PDGFD: variants seen among roughly 807,000 people sequenced by gnomAD.
PDGFD encodes platelet-derived growth factor D.
Under a neutral mutation model 44.7 loss-of-function variants are expected in PDGFD, and 30 were observed. The observed-to-expected ratio is 0.67, with a 90% CI of 0.50 to 0.91. The LOEUF is 0.91. Among genes scored for constraint, PDGFD ranks in the 40% least tolerant of loss-of-function variants. The pLI is 0.00. For missense variants in PDGFD, 445 were observed against 457.8 expected (o/e 0.97, Z 0.25); for synonymous variants, 173 against 168.4 (o/e 1.03, Z -0.21).
intron 1 of PDGFD, among the ~76,000 whole-genome samples, chr11:104,056,987 G>A (rs949486335): frequency 3.9e-5 from 6 of 152,056 alleles, no homozygotes; most frequent in African/African-American, 1.4e-4. Context: ...AATTAGCCAG[G>A]CATAGTGGTG....
chr11:104,142,312 AAT>A (rs1862096948), intron 1 of PDGFD, among the ~76,000 whole-genome samples: 1 of 152,142 alleles, frequency 6.6e-6, no homozygotes, highest in African/African-American at 2.4e-5. Flanking sequence ...TATAAAAGTA[AAT>A]ATATGTTTAT....
At chr11:104,080,400 A>G (rs1861028365) in intron 1 of PDGFD, among the ~76,000 whole-genome samples, 1 of 152,218 alleles carries the variant, frequency 6.6e-6, no homozygotes, top group African/African-American at 2.4e-5. Context: ...AGTACTTTAA[A>G]TATCATATGA....
rs1009608544 is a variant in PDGFD at position 103,985,212 on chromosome 11, T to A, written c.510+10853A>T. On this transcript the variant is annotated intron_variant, in intron 3 of 6. Coordinates refer to ENST00000393158, the MANE Select transcript of PDGFD (RefSeq NM_025208.5). ...TATAATATATATTAATACACACACA[T>A]ATTTTTTGAGACAAGGTCTTGCCTT... 2.9e-4 allele frequency among the ~76,000 whole-genome samples: 37 copies of A among 126,008 alleles called. 2 individuals carry two copies. Among genetic ancestry groups the A allele is most frequent in the African/African-American group, 1.1e-3 (36 of 33,812 alleles). 82.7% of individuals were successfully genotyped at this position (126,008 alleles called of 152,430 possible). A position where few individuals can be genotyped will look rare whatever the true frequency, so the allele number is the denominator to read the frequency against.
intron 1 of PDGFD, among the ~76,000 whole-genome samples, chr11:104,080,622 C>CCATT (rs1042376738): frequency 2.0e-5 from 3 of 152,182 alleles, no homozygotes; most frequent in African/African-American, 7.2e-5. Flanking sequence ...GAGCCACCAT[C>CCATT]CATTGTGTGC....
chr11:104,037,167 G>A (rs754080719), intron 1 of PDGFD: 2 of 1,613,614 alleles, frequency 1.2e-6, no homozygotes, highest in African/African-American at 1.3e-5. Flanking sequence ...CTGGACAGCA[G>A]CAGCAGCGCA....
intron 1 of PDGFD, among the ~76,000 whole-genome samples, chr11:104,105,598 C>T (rs376387738): frequency 5.9e-5 from 9 of 151,574 alleles, no homozygotes; most frequent in African/African-American, 2.2e-4. Context: ...TTTCCAAACG[C>T]TTATTCAGCT....
At chr11:103,997,845 A>T (rs887619520) in intron 2 of PDGFD, among the ~76,000 whole-genome samples, 1 of 152,144 alleles carries the variant, frequency 6.6e-6, no homozygotes, top group Non-Finnish European at 1.5e-5. Context: ...GGGCTGTTTT[A>T]TCTCTTAGGG....
At chr11:103,938,649 T>C (rs1239715317) in intron 5 of PDGFD, among the ~76,000 whole-genome samples, 1 of 152,210 alleles carries the variant, frequency 6.6e-6, no homozygotes, top group East Asian at 1.9e-4. Context: ...TCCTGAATGG[T>C]ATTGCCTGGG....
At chr11:103,930,551 GAAAA>G in intron 5 of PDGFD, among the ~76,000 whole-genome samples, 2 of 135,842 alleles carry the variant, frequency 1.5e-5, no homozygotes, top group African/African-American at 5.1e-5. Flanking sequence ...CAAAAGTTAA[GAAAA>G]AAAAAAAAAA....
chr11:104,032,195 C>A (rs2512914), intron 1 of PDGFD, among the ~76,000 whole-genome samples: 96,388 of 151,596 alleles, frequency 0.64, 30,829 homozygotes, highest in Admixed American at 0.72. Context: ...ACAACAACAA[C>A]AAAAATAATG....
intron 1 of PDGFD, among the ~76,000 whole-genome samples, chr11:104,062,310 G>A (rs1051014396): frequency 6.6e-6 from 1 of 152,182 alleles, no homozygotes; most frequent in Non-Finnish European, 1.5e-5. Flanking sequence ...TCTCAACCCT[G>A]TTCTTGGCCA....
intron 1 of PDGFD, among the ~76,000 whole-genome samples, chr11:104,148,916 A>G (rs989494502): frequency 1.3e-5 from 2 of 152,174 alleles, no homozygotes; most frequent in Admixed American, 6.6e-5. Context: ...TGCAAAGGAC[A>G]TGATCTTGTT....
intron 1 of PDGFD, among the ~76,000 whole-genome samples, chr11:104,157,480 C>G (rs778860130): frequency 6.6e-5 from 10 of 152,332 alleles, no homozygotes; most frequent in Non-Finnish European, 2.9e-5. Context: ...TAACATTACT[C>G]CCCATGCCTT....
At chr11:104,073,682 G>A (rs1860912104) in intron 1 of PDGFD, among the ~76,000 whole-genome samples, 1 of 152,142 alleles carries the variant, frequency 6.6e-6, no homozygotes, top group South Asian at 2.1e-4. Context: ...TCTAAACTGG[G>A]TGTTACTTTA....
intron 1 of PDGFD, among the ~76,000 whole-genome samples, chr11:104,012,902 A>G (rs1212403736): frequency 6.6e-6 from 1 of 152,234 alleles, no homozygotes. Flanking sequence ...AATACTGGGT[A>G]GAAGAGCACG....
At position 103,925,055 on chromosome 11, in the gene PDGFD, G is replaced by C. The variant is rs544856704; in HGVS notation, c.987+1857C>G. Reference sequence around the variant, plus strand: ...CACTTATGAGTGAGAACATGTGGTGGTTGGTTTTCTGTTCCTGTGTTAGTT... The same window carrying C: ...CACTTATGAGTGAGAACATGTGGTGCTTGGTTTTCTGTTCCTGTGTTAGTT... On this transcript the variant is annotated intron_variant, in intron 6 of 6. Coordinates refer to ENST00000393158, the MANE Select transcript of PDGFD (RefSeq NM_025208.5). Among the ~76,000 whole-genome samples, 8 of 152,162 alleles carry C rather than the reference G, an allele frequency of 5.3e-5. No homozygotes were observed. The South Asian group carries it at 1.0e-3, about 20-fold the overall frequency.
chr11:104,116,809 A>G (rs760386431), intron 1 of PDGFD, among the ~76,000 whole-genome samples: 4 of 151,988 alleles, frequency 2.6e-5, no homozygotes, highest in Non-Finnish European at 4.4e-5. Flanking sequence ...CATGATAGTG[A>G]ATAAGTCTCA....
chr11:103,954,465 T>C (rs760832288), intron 3 of PDGFD, among the ~76,000 whole-genome samples: 1 of 152,252 alleles, frequency 6.6e-6, no homozygotes, highest in Non-Finnish European at 1.5e-5. Flanking sequence ...TTCATTTTTA[T>C]CCTAGGTGAT....
At chr11:103,947,001 C>T (rs1400077022) in intron 4 of PDGFD, among the ~76,000 whole-genome samples, 1 of 152,186 alleles carries the variant, frequency 6.6e-6, no homozygotes, top group African/African-American at 2.4e-5. Flanking sequence ...TAGTAAACAA[C>T]TGCATTTATT....
Sources: allele counts gnomAD v4.1 joint callset (sites outside exome capture counted in the v4.1 genomes callset), GRCh38; gene constraint gnomAD v4.1.1; transcripts MANE v1.5; gene names NCBI Gene and HGNC (gene_info 2026-07-23, HGNC 2026-07-21).